FAM114A1: variants seen among roughly 807,000 people sequenced by gnomAD.
FAM114A1 encodes the protein family with sequence similarity 114 member A1.
FAM114A1 carries 62 observed loss-of-function variants against 64.3 expected under a neutral mutation model. The observed-to-expected ratio is 0.96, with a 90% CI of 0.79 to 1.19. The LOEUF (loss-of-function observed/expected upper bound fraction) is 1.19, where lower values mean the gene tolerates loss of function less well. Ranked by LOEUF, FAM114A1 falls within the 50% of genes most tolerant of loss-of-function variation. The pLI is 0.00. For synonymous variants in FAM114A1, 254 were observed against 251.1 expected, an observed-to-expected ratio of 1.01 and a Z score of -0.11; for missense variants, 645 against 676.3, an observed-to-expected ratio of 0.95 and a Z score of 0.51.
At chr4:38,923,644 G>A in intron 9 of FAM114A1, among the ~76,000 whole-genome samples, 1 of 152,280 alleles carries the variant, frequency 6.6e-6, no homozygotes, top group East Asian at 1.9e-4. Context: ...ATTTATAGGT[G>A]TAAGAGTTCG....
intron 3 of FAM114A1, among the ~76,000 whole-genome samples, chr4:38,883,965 C>T (rs1313737795): frequency 1.3e-5 from 2 of 152,142 alleles, no homozygotes; most frequent in Non-Finnish European, 2.9e-5. Flanking sequence ...ATTCAGATTC[C>T]TGGGCTCTAC....
intron 2 of FAM114A1, among the ~76,000 whole-genome samples, chr4:38,870,067 A>G (rs933621704): frequency 3.9e-5 from 6 of 152,160 alleles, no homozygotes; most frequent in Admixed American, 3.3e-4. Context: ...AAGCACAGTG[A>G]GGATCAAGTT....
chr4:38,917,479 G>A (rs942127628), intron 8 of FAM114A1, among the ~76,000 whole-genome samples: 1 of 152,188 alleles, frequency 6.6e-6, no homozygotes, highest in African/African-American at 2.4e-5. Context: ...ATTATTAACA[G>A]AATTAAATGA....
intron 2 of FAM114A1, among the ~76,000 whole-genome samples, chr4:38,871,990 G>T (rs549491013): frequency 6.6e-6 from 1 of 152,326 alleles, no homozygotes; most frequent in East Asian, 1.9e-4. Context: ...TGGATTCAGT[G>T]CAATCTCATG....
At chr4:38,878,543 C>T (rs573617733) in intron 3 of FAM114A1, 117 bp downstream of exon 3, 7 of 766,844 alleles carry the variant, frequency 9.1e-6, no homozygotes, top group South Asian at 5.6e-5. Flanking sequence ...ACTGTGACAT[C>T]CCCTCTGTCA....
chr4:38,898,867 T>A (rs1425102711), intron 4 of FAM114A1, among the ~76,000 whole-genome samples: 2 of 150,960 alleles, frequency 1.3e-5, no homozygotes, highest in African/African-American at 4.8e-5. Flanking sequence ...CTTGAACTCA[T>A]CTATAGAAGA....
At chr4:38,942,925 T>C (rs758004899) in intron 14 of FAM114A1, among the ~76,000 whole-genome samples, 2 of 152,124 alleles carry the variant, frequency 1.3e-5, no homozygotes, top group Non-Finnish European at 2.9e-5. Flanking sequence ...TCCATAGAAG[T>C]GGCTCATGCC....
chr4:38,897,689 G>A (rs181611542), intron 4 of FAM114A1, among the ~76,000 whole-genome samples: 41 of 152,014 alleles, frequency 2.7e-4, no homozygotes, highest in African/African-American at 9.7e-4. Flanking sequence ...TAGAAAAGAG[G>A]GTTTTTGGGG....
At chr4:38,916,579 G>A (rs753271811) in intron 8 of FAM114A1, among the ~76,000 whole-genome samples, 11 of 152,064 alleles carry the variant, frequency 7.2e-5, no homozygotes, top group East Asian at 1.9e-4. Flanking sequence ...CCAAAACTGC[G>A]TGTTCTTACT....
chr4:38,880,090 A>AGTAGAATAGAGTAGAATAG (rs3067658), intron 3 of FAM114A1, among the ~76,000 whole-genome samples: 77 of 92,952 alleles, frequency 8.3e-4, no homozygotes, highest in African/African-American at 1.3e-3. Context: ...AAATAAAATA[A>AGTAGAATAGAGTAGAATAG]AATAAAATAA....
In FAM114A1 at chr4:38,932,260, G is replaced by C; in HGVS notation, c.1349G>C (p.Ser450Thr). Reference sequence around the variant, plus strand: ...GAAGTATACATGTCGTCCATTGAAAGTCTGGCGGAGGTAACAGCGCGCTGT... The same window carrying C: ...GAAGTATACATGTCGTCCATTGAAACTCTGGCGGAGGTAACAGCGCGCTGT... The part of the protein sequence containing the change: ...IEEVYMSSIE[S>T]LAEVTARCIE... Residue 450 changes from serine to threonine, a missense_variant, in exon 12 of 15, where the codon AGT becomes ACT. By Grantham distance (58) the Ser-to-Thr change is moderately conservative. Coordinates refer to ENST00000358869, the MANE Select transcript of FAM114A1 (RefSeq NM_138389.4). 1 of 1,608,436 alleles carries C rather than the reference G, an allele frequency of 6.2e-7. No homozygotes were observed.
At chr4:38,941,779 G>A (rs1721595141) in intron 14 of FAM114A1, among the ~76,000 whole-genome samples, 1 of 152,206 alleles carries the variant, frequency 6.6e-6, no homozygotes, top group Admixed American at 6.5e-5. Context: ...AACAAGCTAA[G>A]TTTGAACATG....
chr4:38,917,331 C>T (rs1393930967), intron 8 of FAM114A1, among the ~76,000 whole-genome samples: 1 of 149,280 alleles, frequency 6.7e-6, no homozygotes, highest in Non-Finnish European at 1.5e-5. Context: ...GAGCAAGACT[C>T]TGTCTCAAAA....
At chr4:38,918,646 T>C (rs1403510011) in intron 8 of FAM114A1, among the ~76,000 whole-genome samples, 1 of 152,140 alleles carries the variant, frequency 6.6e-6, no homozygotes, top group Non-Finnish European at 1.5e-5. Context: ...ACCCTACACA[T>C]ACCAAGTATT....
intron 4 of FAM114A1, among the ~76,000 whole-genome samples, chr4:38,903,239 C>A (rs543946182): frequency 6.6e-6 from 1 of 152,150 alleles, no homozygotes; most frequent in Admixed American, 6.5e-5. Flanking sequence ...AGAGGCAGCT[C>A]GTGTATACAT....
At chr4:38,913,034 AC>A (rs1718706240) in intron 7 of FAM114A1, among the ~76,000 whole-genome samples, 1 of 152,178 alleles carries the variant, frequency 6.6e-6, no homozygotes, top group African/African-American at 2.4e-5. Flanking sequence ...AACCTCGAGA[AC>A]CCAGAAGGAA....
chr4:38,911,804 G>A lies in FAM114A1; in HGVS notation c.792+3078G>A, dbSNP rs200898481. ...CGTATTTTTATCCTAGTGGCACAGG[G>A]AATACTCTTTCTTTTTCTTTCTTTC... On this transcript the variant is annotated intron_variant, in intron 7 of 14. Coordinates refer to ENST00000358869, the MANE Select transcript of FAM114A1 (RefSeq NM_138389.4). Among the ~76,000 whole-genome samples, 22 of 149,422 alleles carry A rather than the reference G, an allele frequency of 1.5e-4. No individual in the cohort carries two copies. The East Asian group carries it at 4.3e-3, about 29-fold the overall frequency.
intron 13 of FAM114A1, among the ~76,000 whole-genome samples, chr4:38,936,729 T>C (rs1204259377): frequency 1.3e-5 from 2 of 152,062 alleles, no homozygotes; most frequent in Non-Finnish European, 2.9e-5. Context: ...ACTTATGTAT[T>C]TTTAGTAGAG....
chr4:38,915,047 AT>A lies in FAM114A1; in HGVS notation c.921del (p.Leu308CysfsTer13). On this transcript the variant is annotated frameshift_variant, in exon 8 of 15. Coordinates refer to ENST00000358869, the MANE Select transcript of FAM114A1 (RefSeq NM_138389.4). LOFTEE classifies it high-confidence loss of function. ...QGLSHLEALE[I>X]LSNESESKVQ... ...CTTGTCACACCTGGAAGCCCTGGAA[AT>A]TCTGTCCAATGAAAGCGAAAGCAAG... 6.2e-7 allele frequency: 1 copy of A among 1,614,174 alleles called. No individual in the cohort carries two copies. Among genetic ancestry groups the A allele is most frequent in the Non-Finnish European group, 8.5e-7 (1 of 1,180,006 alleles).
Sources: gnomAD v4.1 joint callset for allele counts (sites outside exome capture counted in the v4.1 genomes callset) on GRCh38, gnomAD v4.1.1 for gene constraint, MANE v1.5 for transcripts, NCBI Gene and HGNC (gene_info 2026-07-23, HGNC 2026-07-21) for gene names.